Variants in ADAMTS3 observed in about 807,000 individuals in gnomAD.
ADAMTS3 encodes A disintegrin and metalloproteinase with thrombospondin motifs 3.
Under a neutral mutation model 129.0 loss-of-function variants are expected in ADAMTS3, and 73 were observed. That is an observed-to-expected ratio of 0.57 (90% confidence interval 0.47 to 0.69). The LOEUF is 0.69. Among genes scored for constraint, ADAMTS3 ranks in the 30% least tolerant of loss-of-function variants. ADAMTS3 has a pLI of 0.00. For synonymous variants in ADAMTS3, 477 were observed against 510.8 expected, an observed-to-expected ratio of 0.93 and a Z score of 0.89; for missense variants, 1,457 against 1,514.5, an observed-to-expected ratio of 0.96 and a Z score of 0.63.
chr4:72,382,328 TA>T (rs1401433134), intron 4 of ADAMTS3, among the ~76,000 whole-genome samples: 5 of 152,086 alleles, frequency 3.3e-5, no homozygotes, highest in African/African-American at 1.2e-4. Context: ...TGGATATAAT[TA>T]TGTCATATAA....
At chr4:72,365,606 T>G (rs1720850932) in intron 4 of ADAMTS3, among the ~76,000 whole-genome samples, 1 of 152,202 alleles carries the variant, frequency 6.6e-6, no homozygotes, top group African/African-American at 2.4e-5. Context: ...TATCATAAAT[T>G]GGTATATTTA....
intron 3 of ADAMTS3, among the ~76,000 whole-genome samples, chr4:72,546,132 C>G (rs569229680): frequency 2.0e-5 from 3 of 152,292 alleles, no homozygotes; most frequent in African/African-American, 7.2e-5. Context: ...CAGCTGCCCA[C>G]AAAGACTTCA....
At position 72,308,459 on chromosome 4, in the gene ADAMTS3, C is replaced by T. The variant is rs566860036; in HGVS notation, c.2179+938G>A. 1.4e-3 allele frequency among the ~76,000 whole-genome samples: 212 copies of T among 151,996 alleles called. 2 individuals are homozygous for T. Among genetic ancestry groups the T allele is most frequent in the African/African-American group, 4.8e-3 (199 of 41,516 alleles). On this transcript the variant is annotated intron_variant, in intron 15 of 21. Transcript: ENST00000286657. ...GTTACCCCAATGACAATTTACTTAA[C>T]GTAAACCATATTTCTTTGTTTTTGT...
At chr4:72,385,427 G>C (rs1721420681) in intron 4 of ADAMTS3, among the ~76,000 whole-genome samples, 1 of 151,816 alleles carries the variant, frequency 6.6e-6, no homozygotes, top group Admixed American at 6.6e-5. Flanking sequence ...AGGTACACAG[G>C]TACGAAGAGC....
At chr4:72,417,308 C>T (rs1017870325) in intron 3 of ADAMTS3, among the ~76,000 whole-genome samples, 1 of 152,156 alleles carries the variant, frequency 6.6e-6, no homozygotes, top group Non-Finnish European at 1.5e-5. Flanking sequence ...CTGAGCAATG[C>T]GCAATGGCTA....
chr4:72,553,823 C>T (rs893323930), intron 2 of ADAMTS3, among the ~76,000 whole-genome samples: 4 of 152,176 alleles, frequency 2.6e-5, no homozygotes, highest in African/African-American at 4.8e-5. Flanking sequence ...GTAGCCAGTG[C>T]ACTTGCCTGT....
At chr4:72,437,942 G>T (rs1284551199) in intron 3 of ADAMTS3, among the ~76,000 whole-genome samples, 1 of 151,676 alleles carries the variant, frequency 6.6e-6, no homozygotes, top group Non-Finnish European at 1.5e-5. Flanking sequence ...CCATTAAATG[G>T]GAAAGATGAG....
intron 20 of ADAMTS3, among the ~76,000 whole-genome samples, chr4:72,289,574 C>A (rs574473750): frequency 6.6e-6 from 1 of 152,240 alleles, no homozygotes; most frequent in South Asian, 2.1e-4. Context: ...ATGTGGGTGA[C>A]CTGCACTTGT....
At chr4:72,420,711 C>T (rs946480669) in intron 3 of ADAMTS3, among the ~76,000 whole-genome samples, 3 of 152,146 alleles carry the variant, frequency 2.0e-5, no homozygotes, top group Non-Finnish European at 4.4e-5. Context: ...TCAATAAATA[C>T]CTGATAAATG....
chr4:72,549,119 T>G (rs551590601), intron 2 of ADAMTS3, among the ~76,000 whole-genome samples: 4 of 152,190 alleles, frequency 2.6e-5, no homozygotes, highest in Admixed American at 2.6e-4. Context: ...TAAAATTACA[T>G]TGTAAATATT....
At chr4:72,538,187 C>CAGCAGAGAAAAAGGAAGA (rs1721229354) in intron 3 of ADAMTS3, among the ~76,000 whole-genome samples, 1 of 152,064 alleles carries the variant, frequency 6.6e-6, no homozygotes, top group South Asian at 2.1e-4. Flanking sequence ...GATCCAGAAA[C>CAGCAGAGAAAAAGGAAGA]AGCAGAGAAA....
At chr4:72,364,104 T>C (rs952805532) in intron 4 of ADAMTS3, among the ~76,000 whole-genome samples, 1 of 152,060 alleles carries the variant, frequency 6.6e-6, no homozygotes, top group Non-Finnish European at 1.5e-5. Flanking sequence ...TCAGGGAACC[T>C]AGGAATCATC....
intron 4 of ADAMTS3, among the ~76,000 whole-genome samples, chr4:72,375,856 A>C (rs1397058950): frequency 6.6e-6 from 1 of 152,166 alleles, no homozygotes; most frequent in African/African-American, 2.4e-5. Context: ...AGTCTCTCTT[A>C]TATATTTAAA....
At chr4:72,369,086 T>C (rs1297854805) in intron 4 of ADAMTS3, among the ~76,000 whole-genome samples, 3 of 152,194 alleles carry the variant, frequency 2.0e-5, no homozygotes, top group Non-Finnish European at 4.4e-5. Context: ...TTGCAAAGAA[T>C]AGGATGAAAA....
intron 6 of ADAMTS3, among the ~76,000 whole-genome samples, chr4:72,322,481 G>C (rs1347769253): frequency 1.3e-5 from 2 of 152,038 alleles, no homozygotes; most frequent in South Asian, 4.1e-4. Flanking sequence ...AAAAATTAAA[G>C]CTCTTTTAAA....
In ADAMTS3 at chr4:72,311,042, A is replaced by G. The variant is rs780894642; in HGVS notation, c.2055+6T>C. 6.3e-7 allele frequency: 1 copy of G among 1,584,578 alleles called. No homozygotes were observed. Among genetic ancestry groups the G allele is most frequent in the Non-Finnish European group, 8.6e-7 (1 of 1,161,962 alleles). ...GAAAGCCTTTGGGGAAGCAATTTGAACTTACCACACACTCTCCTCGCACAC... is the reference window on the plus strand; with the variant it reads ...GAAAGCCTTTGGGGAAGCAATTTGAGCTTACCACACACTCTCCTCGCACAC... On this transcript the variant is annotated splice_donor_region_variant and intron_variant, in intron 14 of 21. Transcript: ENST00000286657.
intron 3 of ADAMTS3, among the ~76,000 whole-genome samples, chr4:72,509,008 A>T (rs1720239164): frequency 6.6e-6 from 1 of 152,092 alleles, no homozygotes; most frequent in African/African-American, 2.4e-5. Context: ...AAACTAAACA[A>T]TATGCTCCTG....
intron 4 of ADAMTS3, among the ~76,000 whole-genome samples, chr4:72,414,388 A>G (rs1228151940): frequency 2.8e-5 from 4 of 140,792 alleles, no homozygotes; most frequent in Non-Finnish European, 6.3e-5. Context: ...CAAGTGGCAT[A>G]TTATTTTCAA....
chr4:72,380,923 T>C (rs1399658251), intron 4 of ADAMTS3, among the ~76,000 whole-genome samples: 1 of 152,186 alleles, frequency 6.6e-6, no homozygotes, highest in East Asian at 1.9e-4. Context: ...CTATATATTG[T>C]ATACCCAACC....
Sources: gnomAD v4.1 joint callset for allele counts (sites outside exome capture counted in the v4.1 genomes callset) on GRCh38, gnomAD v4.1.1 for gene constraint, MANE v1.5 for transcripts, NCBI Gene and HGNC (gene_info 2026-07-23, HGNC 2026-07-21) for gene names.